Variants in CCNY observed in about 807,000 individuals in gnomAD.
CCNY encodes the protein cyclin Y.
In CCNY, 19 loss-of-function variants were observed where a neutral mutation model predicts 42.8. The ratio of observed to expected loss-of-function variants is 0.44; its 90% CI spans 0.31 to 0.65. CCNY has a LOEUF of 0.65. Among genes scored for constraint, CCNY ranks in the 30% least tolerant of loss-of-function variants. CCNY has a pLI of 0.07. For missense variants in CCNY, 370 were observed against 437.3 expected, an observed-to-expected ratio of 0.85 and a Z score of 1.37; for synonymous variants, 165 against 162.7, an observed-to-expected ratio of 1.01 and a Z score of -0.11.
At chr10:35,496,311 G>T (rs1269784147) in intron 2 of CCNY, among the ~76,000 whole-genome samples, 1 of 152,240 alleles carries the variant, frequency 6.6e-6, no homozygotes, top group Non-Finnish European at 1.5e-5. Context: ...GGATGCCTGT[G>T]CACACCAGTG....
At chr10:35,403,120 G>A (rs888259855) in intron 1 of CCNY, among the ~76,000 whole-genome samples, 5 of 139,762 alleles carry the variant, frequency 3.6e-5, no homozygotes, top group African/African-American at 1.3e-4. Context: ...GATGTGTAGG[G>A]AAGGGTGGGG....
At chr10:35,533,306 TCA>T (rs1840809724) in intron 7 of CCNY, among the ~76,000 whole-genome samples, 1 of 152,122 alleles carries the variant, frequency 6.6e-6, no homozygotes, top group Non-Finnish European at 1.5e-5. Flanking sequence ...CTTTTTTTTC[TCA>T]CTTTGCACGC....
intron 1 of CCNY, among the ~76,000 whole-genome samples, chr10:35,461,203 T>TTAAA (rs1839150822): frequency 6.6e-6 from 1 of 152,164 alleles, no homozygotes; most frequent in African/African-American, 2.4e-5. Context: ...ATGAGTCTTG[T>TTAAA]TAAAGCACAG....
At chr10:35,308,989 T>C (rs1391028057) in intron 3 of CCNY, among the ~76,000 whole-genome samples, 1 of 151,400 alleles carries the variant, frequency 6.6e-6, no homozygotes, top group Non-Finnish European at 1.5e-5. Context: ...ACAGGGAAGG[T>C]GGGTGGGAAA....
rs1158967287 is a variant in CCNY, at chr10:35,530,607, A to G, written c.579+364A>G. Among the ~76,000 whole-genome samples, 1 of 152,174 alleles carries G rather than the reference A, an allele frequency of 6.6e-6. No homozygotes were observed. The highest frequency in any genetic ancestry group is 1.5e-5 in the Non-Finnish European group (1 of 68,034). Reference sequence around the variant, plus strand: ...GGTGTTGATTCCCTACAAAGATTGTAATAGTATTAGTAAGATATGATGAAT... The same window carrying G: ...GGTGTTGATTCCCTACAAAGATTGTGATAGTATTAGTAAGATATGATGAAT... On this transcript the variant is annotated intron_variant, in intron 7 of 9. Transcript: ENST00000374704. The surrounding 1 kb of genome is among the most constrained non-coding windows in gnomAD (Gnocchi z 4.3).
chr10:35,361,697 T>C (rs932548920), intron 1 of CCNY, among the ~76,000 whole-genome samples: 1 of 152,218 alleles, frequency 6.6e-6, no homozygotes, highest in Non-Finnish European at 1.5e-5. Flanking sequence ...ATATTAAGCA[T>C]CTACTGAGAA....
At chr10:35,370,668 C>T (rs1564385856) in intron 1 of CCNY, among the ~76,000 whole-genome samples, 1 of 151,912 alleles carries the variant, frequency 6.6e-6, no homozygotes, top group Non-Finnish European at 1.5e-5. Flanking sequence ...TTCCCTATTA[C>T]AACACTTTTC....
chr10:35,485,850 A>G (rs952255697), intron 2 of CCNY, among the ~76,000 whole-genome samples: 5 of 152,224 alleles, frequency 3.3e-5, no homozygotes, highest in African/African-American at 4.8e-5. Context: ...GTCCTAAGAA[A>G]TCCTGCCCTT....
chr10:35,423,845 A>G (rs1838210801), intron 1 of CCNY, among the ~76,000 whole-genome samples: 1 of 152,202 alleles, frequency 6.6e-6, no homozygotes, highest in African/African-American at 2.4e-5. Flanking sequence ...CAATTATCCG[A>G]AGGTCACTTA....
chr10:35,409,950 C>T (rs960968809), intron 1 of CCNY, among the ~76,000 whole-genome samples: 24 of 152,026 alleles, frequency 1.6e-4, no homozygotes, highest in African/African-American at 5.8e-4. Flanking sequence ...GCTATGTTGC[C>T]CAGGCTGATC....
Position 35,277,015 on chromosome 10 carries a change from G to A in CCNY, c.-9+26389G>A, listed in dbSNP as rs913846049. On this transcript the variant is annotated intron_variant, in intron 3 of 11. Transcript: ENST00000374706. ...ATCCAGCTTTATGTTCAGCTGCTCT[G>A]GATCCAGCACCTTGGGATTCCATCT... is the stretch of plus-strand genomic sequence containing the variant. 7.2e-5 allele frequency among the ~76,000 whole-genome samples: 11 copies of A among 152,296 alleles called. No individual in the cohort carries two copies. The South Asian group carries it at 2.1e-3, about 29-fold the overall frequency.
chr10:35,534,954 T>TACAC (rs58564724), intron 7 of CCNY, among the ~76,000 whole-genome samples: 6,355 of 139,408 alleles, frequency 0.046, 419 homozygotes, highest in African/African-American at 0.15. Flanking sequence ...TGGGGATACA[T>TACAC]ACACACACAC....
intron 1 of CCNY, among the ~76,000 whole-genome samples, chr10:35,402,552 G>C (rs1019515174): frequency 6.6e-6 from 1 of 152,118 alleles, no homozygotes; most frequent in African/African-American, 2.4e-5. Context: ...AGTAAGTTGA[G>C]GTCTCCGTGA....
chr10:35,322,497 T>C (rs913576419), intron 3 of CCNY, among the ~76,000 whole-genome samples: 2 of 151,822 alleles, frequency 1.3e-5, no homozygotes, highest in Non-Finnish European at 2.9e-5. Context: ...TAAAAGAAGA[T>C]AGCAAAAAAT....
intron 8 of CCNY, among the ~76,000 whole-genome samples, chr10:35,558,103 T>G (rs1013641224): frequency 6.6e-6 from 1 of 152,242 alleles, no homozygotes; most frequent in Non-Finnish European, 1.5e-5. Flanking sequence ...TGCTTCAGTT[T>G]GTTGAAAGCA....
At chr10:35,274,074 T>C (rs1042454669) in intron 3 of CCNY, among the ~76,000 whole-genome samples, 2 of 152,190 alleles carry the variant, frequency 1.3e-5, no homozygotes, top group Non-Finnish European at 2.9e-5. Flanking sequence ...TACCTGAGAC[T>C]GGGTTATTTA....
At chr10:35,554,634 C>A (rs1841326939) in intron 8 of CCNY, among the ~76,000 whole-genome samples, 1 of 151,954 alleles carries the variant, frequency 6.6e-6, no homozygotes, top group Non-Finnish European at 1.5e-5. Context: ...CCTGGCTGTC[C>A]CCTCCTGTTA....
chr10:35,369,597 T>A (rs1476007659), intron 1 of CCNY, among the ~76,000 whole-genome samples: 3 of 152,250 alleles, frequency 2.0e-5, no homozygotes, highest in Admixed American at 6.5e-5. Flanking sequence ...GGCTCTTCCC[T>A]ATTTAAGTTT....
chr10:35,568,764 G>C (rs1169340327), intron 9 of CCNY, among the ~76,000 whole-genome samples: 2 of 152,262 alleles, frequency 1.3e-5, no homozygotes, highest in African/African-American at 4.8e-5. Flanking sequence ...CACACCCCTA[G>C]ATGGGGAGCC....
Sources: allele counts gnomAD v4.1 joint callset (sites outside exome capture counted in the v4.1 genomes callset), GRCh38; gene constraint gnomAD v4.1.1; non-coding constraint Gnocchi (gnomAD v3.1); transcripts MANE v1.5; gene names NCBI Gene and HGNC (gene_info 2026-07-23, HGNC 2026-07-21).